ANKRD13C: variants seen among roughly 807,000 people sequenced by gnomAD.
ANKRD13C encodes ankyrin repeat domain-containing protein 13C.
ANKRD13C carries 16 observed loss-of-function variants against 65.5 expected under a neutral mutation model. That is an observed-to-expected ratio of 0.24 (90% CI 0.17 to 0.37). The LOEUF is 0.37. Among genes scored for constraint, ANKRD13C ranks in the 10% least tolerant of loss-of-function variants. The pLI is 1.00. For missense variants in ANKRD13C, 503 were observed against 655.9 expected, an observed-to-expected ratio of 0.77 and a Z score of 2.55; for synonymous variants, 235 against 238.7, an observed-to-expected ratio of 0.98 and a Z score of 0.14.
chr1:70,340,004 C>T (rs1479978353), intron 1 of ANKRD13C, among the ~76,000 whole-genome samples: 1 of 151,616 alleles, frequency 6.6e-6, no homozygotes, highest in Non-Finnish European at 1.5e-5. Context: ...CACACACCAC[C>T]ACACCCAACT....
chr1:70,279,841 C>T (rs917417790), intron 9 of ANKRD13C, among the ~76,000 whole-genome samples: 13 of 152,156 alleles, frequency 8.5e-5, no homozygotes, highest in Admixed American at 2.6e-4. Context: ...GTGTGGTGTG[C>T]GGCACGCATT....
intron 5 of ANKRD13C, among the ~76,000 whole-genome samples, chr1:70,306,900 T>G (rs1368934944): frequency 6.6e-6 from 1 of 152,230 alleles, no homozygotes; most frequent in East Asian, 1.9e-4. Flanking sequence ...TGATAGTTTT[T>G]TATTATTTAT....
At chr1:70,306,583 T>C (rs1680594190) in intron 5 of ANKRD13C, among the ~76,000 whole-genome samples, 1 of 152,136 alleles carries the variant, frequency 6.6e-6, no homozygotes, top group Non-Finnish European at 1.5e-5. Context: ...ATATTATAGA[T>C]GAGTAAACAA....
At chr1:70,347,801 G>A (rs1178800468) in intron 1 of ANKRD13C, among the ~76,000 whole-genome samples, 1 of 152,090 alleles carries the variant, frequency 6.6e-6, no homozygotes, top group Non-Finnish European at 1.5e-5. Context: ...AATCAACCCT[G>A]ATCAATGGAG....
chr1:70,328,761 T>C (rs77487456), intron 2 of ANKRD13C, among the ~76,000 whole-genome samples: 2 of 152,230 alleles, frequency 1.3e-5, no homozygotes, highest in African/African-American at 4.8e-5. Flanking sequence ...TAGAGAAATG[T>C]ATGTAAGAAT....
intron 4 of ANKRD13C, among the ~76,000 whole-genome samples, chr1:70,315,210 A>G (rs1359911284): frequency 2.0e-5 from 3 of 152,164 alleles, no homozygotes; most frequent in African/African-American, 7.2e-5. Context: ...AAGGAAAATT[A>G]TTGCCATTAA....
At chr1:70,271,484 T>A (rs1173327696) in intron 11 of ANKRD13C, among the ~76,000 whole-genome samples, 1 of 152,228 alleles carries the variant, frequency 6.6e-6, no homozygotes, top group African/African-American at 2.4e-5. Flanking sequence ...AGTAGCATTT[T>A]TCTTTGAAAA....
At chr1:70,349,661 A>G (rs1345409790) in intron 1 of ANKRD13C, among the ~76,000 whole-genome samples, 2 of 152,196 alleles carry the variant, frequency 1.3e-5, no homozygotes, top group African/African-American at 4.8e-5. Context: ...TATGAACTGA[A>G]CTAAATAGTG....
intron 12 of ANKRD13C, among the ~76,000 whole-genome samples, chr1:70,267,541 GATC>G (rs1273279901): frequency 6.6e-6 from 1 of 151,902 alleles, no homozygotes; most frequent in East Asian, 1.9e-4. Context: ...ACCCAGCCTG[GATC>G]ATGTTTTTTA....
At position 70,276,828 on chromosome 1, in the gene ANKRD13C, G is replaced by T; in HGVS notation, c.1232C>A (p.Ser411Tyr). 1 of 1,598,456 alleles carries T rather than the reference G, an allele frequency of 6.3e-7. No individual in the cohort carries two copies. The highest frequency in any genetic ancestry group is 1.1e-5 in the South Asian group (1 of 87,172). The part of the protein sequence containing the change: ...EQNFEPIRRQ[S>Y]LTPPPQNTIT... The stretch of plus-strand genomic sequence containing the variant: ...AGTGTTCTGAGGAGGAGGTGTAAGA[G>T]ACTGTCTTCGAATCGGCTGCCAAAA... Residue 411 changes from serine (S) to tyrosine (Y), a missense_variant, in exon 10 of 13, where the codon TCT (serine) becomes TAT (tyrosine). Coordinates refer to ENST00000370944, the MANE Select transcript of ANKRD13C (RefSeq NM_030816.5).
At chr1:70,289,399 G>A (rs182881995) in intron 9 of ANKRD13C, among the ~76,000 whole-genome samples, 5 of 152,186 alleles carry the variant, frequency 3.3e-5, no homozygotes, top group African/African-American at 9.6e-5. Flanking sequence ...CTGGCAAACA[G>A]TCCATGAAAC....
chr1:70,308,816 T>C (rs1412626769), intron 5 of ANKRD13C, among the ~76,000 whole-genome samples: 1 of 151,852 alleles, frequency 6.6e-6, no homozygotes, highest in Non-Finnish European at 1.5e-5. Flanking sequence ...AAAACATTTC[T>C]GATAGATTTT....
chr1:70,285,187 CTTTTT>C (rs60703728), intron 9 of ANKRD13C, among the ~76,000 whole-genome samples: 3 of 105,234 alleles, frequency 2.9e-5, no homozygotes, highest in African/African-American at 1.3e-4. Flanking sequence ...TTTATAATGT[CTTTTT>C]TTTTTTTTTT....
intron 12 of ANKRD13C, among the ~76,000 whole-genome samples, chr1:70,265,060 G>A (rs1678553354): frequency 6.6e-6 from 1 of 152,152 alleles, no homozygotes; most frequent in Non-Finnish European, 1.5e-5. Flanking sequence ...ATTAGCAGGC[G>A]ATGAGGTCAG....
intron 1 of ANKRD13C, among the ~76,000 whole-genome samples, chr1:70,346,332 T>A (rs1202854935): frequency 1.3e-5 from 2 of 152,136 alleles, no homozygotes; most frequent in Non-Finnish European, 2.9e-5. Context: ...AAATTAAAAA[T>A]TAATTTGCAT....
chr1:70,292,597 A>G (rs1290973916), intron 8 of ANKRD13C, 48 bp from the exon 9 acceptor site: 1 of 1,393,446 alleles, frequency 7.2e-7, no homozygotes, highest in Non-Finnish European at 9.8e-7. Context: ...GGTTAAAAAA[A>G]GTGTCAAGGT....
chr1:70,300,859 C>G lies in ANKRD13C; in HGVS notation c.826G>C (p.Asp276His), dbSNP rs1328980869. Residue 276 changes from aspartate to histidine, a missense_variant, in exon 7 of 13, where the codon GAT becomes CAT. By Grantham distance (81) the Asp-to-His change is moderately conservative (BLOSUM62 -1). Around this residue, in one of 2 missense-constraint regions of ANKRD13C, gnomAD observed 300 missense variants for 478.3 expected, o/e 0.63. Coordinates refer to ENST00000370944, the MANE Select transcript of ANKRD13C (RefSeq NM_030816.5). Reference protein sequence around the residue: ...DFTDMKCQRGDLSFIFNGDAA... With the variant: ...DFTDMKCQRGHLSFIFNGDAA... ...TCCCCATTGAAAATGAAGCTTAGAT[C>G]CCCTCGTTGGCACTTCATGTCAGTA... 12 of 1,613,482 alleles carry G rather than the reference C, an allele frequency of 7.4e-6. No individual in the cohort carries two copies. Among genetic ancestry groups the G allele is most frequent in the Non-Finnish European group, 1.0e-5 (12 of 1,179,832 alleles).
chr1:70,292,303 T>C, intron 9 of ANKRD13C, 85 bp downstream of exon 9: 2 of 1,059,782 alleles, frequency 1.9e-6, no homozygotes, highest in Non-Finnish European at 2.7e-6. Context: ...TGAGTACATT[T>C]ATATACTTAC....
At chr1:70,267,986 G>C (rs762049986) in intron 12 of ANKRD13C, among the ~76,000 whole-genome samples, 11 of 152,160 alleles carry the variant, frequency 7.2e-5, no homozygotes, top group Non-Finnish European at 1.3e-4. Flanking sequence ...AAATAGCTTG[G>C]CTGTGAAAAG....
Sources: gnomAD v4.1 joint callset for allele counts (sites outside exome capture counted in the v4.1 genomes callset) on GRCh38, gnomAD v4.1.1 for gene constraint, gnomAD v4.1.1 regional missense constraint, MANE v1.5 for transcripts, NCBI Gene and HGNC (gene_info 2026-07-23, HGNC 2026-07-21) for gene names.